The following EDIL3 variants were observed in gnomAD, a reference collection of about 807,000 sequenced individuals.
EDIL3 encodes EGF-like repeat and discoidin I-like domain-containing protein 3.
A neutral mutation model predicts 67.4 loss-of-function variants in EDIL3; 37 were observed. That is an observed-to-expected ratio of 0.55 (90% CI 0.42 to 0.72). The LOEUF is 0.72. Among genes scored for constraint, EDIL3 ranks in the 30% least tolerant of loss-of-function variants. The probability of loss-of-function intolerance (pLI) is 0.00; values close to 1 mark genes in which losing one functional copy is unlikely to be tolerated. For missense variants in EDIL3, 527 were observed against 586.3 expected (o/e 0.90, Z 1.04); for synonymous variants, 195 against 196.3 (o/e 0.99, Z 0.05).
intron 4 of EDIL3, among the ~76,000 whole-genome samples, chr5:84,170,300 T>A (rs919473679): frequency 6.6e-6 from 1 of 152,148 alleles, no homozygotes; most frequent in Non-Finnish European, 1.5e-5. Context: ...CACAAAAAGA[T>A]TTGTAAGGTT....
At chr5:84,354,816 T>C (rs1034514495) in intron 1 of EDIL3, among the ~76,000 whole-genome samples, 2 of 152,194 alleles carry the variant, frequency 1.3e-5, no homozygotes, top group Non-Finnish European at 2.9e-5. Flanking sequence ...CTTAACAATC[T>C]TCATTTCCTT....
intron 10 of EDIL3, among the ~76,000 whole-genome samples, chr5:83,955,490 G>A (rs112367980): frequency 6.6e-6 from 1 of 151,544 alleles, no homozygotes; most frequent in African/African-American, 2.4e-5. Context: ...CCCTGAAAAT[G>A]TAACTCTGAG....
At chr5:84,062,982 C>T (rs1444042575) in intron 8 of EDIL3, among the ~76,000 whole-genome samples, 1 of 152,008 alleles carries the variant, frequency 6.6e-6, no homozygotes, top group Non-Finnish European at 1.5e-5. Context: ...TTAAAGCATC[C>T]ATTGAGAGAT....
chr5:84,062,183 A>G (rs1220139087), intron 8 of EDIL3, among the ~76,000 whole-genome samples: 1 of 152,114 alleles, frequency 6.6e-6, no homozygotes, highest in East Asian at 1.9e-4. Flanking sequence ...AAAAAAAGTC[A>G]TAACAATTCT....
At chr5:84,174,911 A>G (rs1297546219) in intron 4 of EDIL3, among the ~76,000 whole-genome samples, 1 of 152,184 alleles carries the variant, frequency 6.6e-6, no homozygotes, top group Non-Finnish European at 1.5e-5. Context: ...GAAGAATGAT[A>G]CGATAAAAAT....
intron 6 of EDIL3, among the ~76,000 whole-genome samples, chr5:84,102,016 T>C (rs1370336392): frequency 6.6e-6 from 1 of 152,128 alleles, no homozygotes; most frequent in Non-Finnish European, 1.5e-5. Flanking sequence ...AGGTTCAACA[T>C]ATGTAAATCA....
At chr5:84,190,680 T>C (rs1743567883) in intron 3 of EDIL3, among the ~76,000 whole-genome samples, 1 of 151,348 alleles carries the variant, frequency 6.6e-6, no homozygotes, top group South Asian at 2.1e-4. Context: ...TCTAAGCAAC[T>C]ACAAAAATTG....
chr5:84,301,320 C>A, intron 1 of EDIL3, among the ~76,000 whole-genome samples: 1 of 149,134 alleles, frequency 6.7e-6, no homozygotes, highest in Admixed American at 6.7e-5. Flanking sequence ...CATATGGAAT[C>A]AGAAGTTAAA....
intron 6 of EDIL3, among the ~76,000 whole-genome samples, chr5:84,080,213 G>A (rs1431112177): frequency 2.1e-5 from 3 of 144,824 alleles, no homozygotes; most frequent in African/African-American, 7.7e-5. Flanking sequence ...GGAGAATGGC[G>A]TGAACCTGGG....
intron 1 of EDIL3, among the ~76,000 whole-genome samples, chr5:84,321,358 C>T (rs10474124): frequency 0.26 from 40,125 of 151,986 alleles, 6,076 homozygotes; most frequent in Non-Finnish European, 0.35. Context: ...TGTCTTCCAT[C>T]TTCAATTGTT....
chr5:84,257,308 A>G (rs1271862291), intron 1 of EDIL3, among the ~76,000 whole-genome samples: 1 of 152,206 alleles, frequency 6.6e-6, no homozygotes, highest in Non-Finnish European at 1.5e-5. Flanking sequence ...AGACAGGACT[A>G]TCTGCTCAAG....
chr5:84,003,288 G>T (rs1745362422), intron 9 of EDIL3, among the ~76,000 whole-genome samples: 1 of 152,118 alleles, frequency 6.6e-6, no homozygotes, highest in Non-Finnish European at 1.5e-5. Flanking sequence ...AACTTCAAGA[G>T]GGAAGTGGCA....
At chr5:84,313,765 C>T (rs1055815883) in intron 1 of EDIL3, among the ~76,000 whole-genome samples, 1 of 152,152 alleles carries the variant, frequency 6.6e-6, no homozygotes, top group Admixed American at 6.5e-5. Flanking sequence ...ACCCCAGGCA[C>T]CAGTATTTCT....
chr5:84,206,931 T>C (rs1006966461), intron 3 of EDIL3, among the ~76,000 whole-genome samples: 5 of 152,272 alleles, frequency 3.3e-5, no homozygotes, highest in Admixed American at 2.0e-4. Context: ...AAACCCACAG[T>C]CAATATCATA....
At chr5:84,294,731 T>C (rs549259441) in intron 1 of EDIL3, among the ~76,000 whole-genome samples, 1 of 152,298 alleles carries the variant, frequency 6.6e-6, no homozygotes, top group East Asian at 1.9e-4. Context: ...CATTTACTAG[T>C]TAATCTTTAT....
chr5:84,197,950 A>C (rs543653822), intron 3 of EDIL3, among the ~76,000 whole-genome samples: 2 of 152,146 alleles, frequency 1.3e-5, no homozygotes, highest in East Asian at 3.9e-4. Context: ...CTGGGGATAG[A>C]TTCTATTTCC....
rs377610719 is a variant in EDIL3 at position 84,219,155 on chromosome 5, CAG to C, written c.226+10698_226+10699del. ...TCCCCCAGCTCCAGGCAGCTCAGAG[CAG>C]AGAGAGAGAGACTGCGTTTGTTTGG... On this transcript the variant is annotated intron_variant, in intron 3 of 10. Transcript: ENST00000296591. Among the ~76,000 whole-genome samples, 190 of 151,776 alleles carry C rather than the reference CAG, an allele frequency of 1.3e-3. 2 individuals carry two copies. The highest frequency in any genetic ancestry group is 9.8e-3 in the South Asian group (47 of 4,820).
chr5:84,009,855 ATTC>A (rs1439830282), intron 9 of EDIL3, among the ~76,000 whole-genome samples: 1 of 152,114 alleles, frequency 6.6e-6, no homozygotes, highest in African/African-American at 2.4e-5. Flanking sequence ...ACTACGCACA[ATTC>A]TTCTTTCCCT....
intron 5 of EDIL3, among the ~76,000 whole-genome samples, chr5:84,130,722 C>A (rs1747949507): frequency 6.6e-6 from 1 of 152,038 alleles, no homozygotes; most frequent in Non-Finnish European, 1.5e-5. Context: ...AAAATCACTG[C>A]AAACATTCAT....
Sources: gnomAD v4.1 joint callset for allele counts (sites outside exome capture counted in the v4.1 genomes callset) on GRCh38, gnomAD v4.1.1 for gene constraint, MANE v1.5 for transcripts, NCBI Gene and HGNC (gene_info 2026-07-23, HGNC 2026-07-21) for gene names.